AXDND1: variants seen among roughly 807,000 people sequenced by gnomAD.
AXDND1 encodes the protein axonemal dynein light chain domain containing 1, also known as axonemal dynein light chain domain-containing protein 1.
Under a neutral mutation model 137.5 loss-of-function variants are expected in AXDND1, and 110 were observed. That is an observed-to-expected ratio of 0.80 (90% CI 0.69 to 0.94). The LOEUF (loss-of-function observed/expected upper bound fraction) is 0.94. Among genes scored for constraint, AXDND1 ranks in the 40% least tolerant of loss-of-function variants. The pLI is 0.00. For synonymous variants in AXDND1, 414 were observed against 399.7 expected, an observed-to-expected ratio of 1.04 and a Z score of -0.43; for missense variants, 1,191 against 1,169.8, an observed-to-expected ratio of 1.02 and a Z score of -0.26.
At chr1:179,413,241 A>G (rs1654167273) in intron 12 of AXDND1, among the ~76,000 whole-genome samples, 1 of 150,764 alleles carries the variant, frequency 6.6e-6, no homozygotes. Flanking sequence ...TATTTTATTA[A>G]TTAATTTTAA....
chr1:179,506,736 A>G (rs1249608763), intron 20 of AXDND1: 12 of 448,580 alleles, frequency 2.7e-5, no homozygotes, highest in Non-Finnish European at 3.5e-5. Flanking sequence ...TGTCAAAAAA[A>G]CAAAACAAAA....
intron 21 of AXDND1, among the ~76,000 whole-genome samples, chr1:179,520,799 A>AT (rs1382117963): frequency 6.7e-6 from 1 of 149,324 alleles, no homozygotes; most frequent in Non-Finnish European, 1.5e-5. Flanking sequence ...TGAATATTTT[A>AT]TTTTTTGCTA....
chr1:179,471,381 T>C (rs1460712108), intron 17 of AXDND1, among the ~76,000 whole-genome samples: 1 of 152,258 alleles, frequency 6.6e-6, no homozygotes, highest in Non-Finnish European at 1.5e-5. Context: ...ATTCAATCTC[T>C]TCACTTGTTA....
chr1:179,496,240 G>A (rs1164363098), intron 20 of AXDND1, among the ~76,000 whole-genome samples: 1 of 151,894 alleles, frequency 6.6e-6, no homozygotes, highest in Non-Finnish European at 1.5e-5. Context: ...GAGTTAAGAA[G>A]TGTTTCTTAC....
Position 179,393,801 on chromosome 1 carries a change from T to C in AXDND1, c.864-102T>C, listed in dbSNP as rs143972902. On this transcript the variant is annotated intron_variant, in intron 9 of 25. Transcript: ENST00000367618. ...TTGATTCTCAGCTTGGTTTTCTTGGTGTATAGCAGTGCTACTGATTTGTGT... is the reference window on the plus strand; with the variant it reads ...TTGATTCTCAGCTTGGTTTTCTTGGCGTATAGCAGTGCTACTGATTTGTGT... 1.3e-3 allele frequency: 1,154 copies of C among 918,984 alleles called. 16 individuals carry two copies. The African/African-American group carries it at 0.019, about 15-fold the overall frequency. The allele number at this position is 918,984 out of a possible 1,614,324, so 56.9% of individuals were successfully genotyped here. A position where few individuals can be genotyped will look rare whatever the true frequency, so the allele number is the denominator to read the frequency against.
At chr1:179,415,830 G>A (rs973596386) in intron 12 of AXDND1, among the ~76,000 whole-genome samples, 11 of 151,876 alleles carry the variant, frequency 7.2e-5, no homozygotes, top group African/African-American at 2.2e-4. Flanking sequence ...TCAGCCTCCC[G>A]AGTAGCAGGG....
intron 12 of AXDND1, among the ~76,000 whole-genome samples, chr1:179,419,544 A>G (rs1655329370): frequency 6.8e-6 from 1 of 147,994 alleles, no homozygotes; most frequent in African/African-American, 2.5e-5. Context: ...GGGAGGTTGC[A>G]GTGAGCCGAG....
intron 12 of AXDND1, among the ~76,000 whole-genome samples, chr1:179,428,450 T>A (rs925921182): frequency 9.9e-5 from 15 of 152,262 alleles, no homozygotes; most frequent in African/African-American, 3.6e-4. Context: ...ATGTCCACAG[T>A]GTCTAGAACA....
chr1:179,383,599 G>C (rs1648741565), intron 8 of AXDND1, 55 bp downstream of exon 8: 1 of 1,353,666 alleles, frequency 7.4e-7, no homozygotes, highest in East Asian at 2.4e-5. Context: ...TCAGGAGGCA[G>C]ATTGCCTAGG....
Position 179,528,391 on chromosome 1 carries a change from A to C in AXDND1, c.2675A>C (p.His892Pro). 6.2e-7 allele frequency: 1 copy of C among 1,613,926 alleles called. No homozygotes were observed. The highest frequency in any genetic ancestry group is 1.7e-5 in the Admixed American group (1 of 60,012). Residue 892 changes from histidine to proline, a missense_variant, in exon 23 of 26, where the codon CAT becomes CCT. Coordinates refer to ENST00000367618, the MANE Select transcript of AXDND1 (RefSeq NM_144696.6). ...IRFIGEDENV[H>P]SKPLFETDVL... Reference sequence around the variant, plus strand: ...TTCATTGGAGAAGATGAAAATGTTCATTCCAAACCTCTATTTGAAACAGAT... The same window carrying C: ...TTCATTGGAGAAGATGAAAATGTTCCTTCCAAACCTCTATTTGAAACAGAT...
chr1:179,550,943 T>G (rs1400435367), intron 25 of AXDND1: 1 of 575,390 alleles, frequency 1.7e-6, no homozygotes, highest in African/African-American at 1.9e-5. Flanking sequence ...CCAAAGCTGT[T>G]TCCCATAATT....
chr1:179,482,581 A>C (rs1212199845), intron 17 of AXDND1, among the ~76,000 whole-genome samples: 1 of 152,202 alleles, frequency 6.6e-6, no homozygotes, highest in Non-Finnish European at 1.5e-5. Context: ...AGGAAGGAGC[A>C]GTCATGGTTC....
chr1:179,392,030 A>G (rs1035097929), intron 9 of AXDND1, among the ~76,000 whole-genome samples: 1 of 152,134 alleles, frequency 6.6e-6, no homozygotes, highest in Non-Finnish European at 1.5e-5. Flanking sequence ...TGTCTTGGGT[A>G]TATCCTTATA....
chr1:179,437,473 C>T (rs1022457725), intron 15 of AXDND1, among the ~76,000 whole-genome samples: 1 of 152,198 alleles, frequency 6.6e-6, no homozygotes, highest in Admixed American at 6.5e-5. Flanking sequence ...TGTGAGTTTG[C>T]TCACATCCTG....
intron 25 of AXDND1, among the ~76,000 whole-genome samples, chr1:179,541,361 G>A (rs566248720): frequency 6.6e-6 from 1 of 152,172 alleles, no homozygotes; most frequent in African/African-American, 2.4e-5. Context: ...GTCCTAATGA[G>A]ATGAAGCAGG....
chr1:179,441,469 C>T (rs1294975418), intron 15 of AXDND1, among the ~76,000 whole-genome samples: 1 of 152,298 alleles, frequency 6.6e-6, no homozygotes, highest in African/African-American at 2.4e-5. Context: ...GAAAATTTCC[C>T]AAGTTTTTTG....
In AXDND1 at chr1:179,468,588, A is replaced by G. The variant is rs140343012; in HGVS notation, c.1944A>G (p.Ile648Met). The G allele has an allele frequency of 5.0e-6, 8 of 1,612,666 alleles. No homozygotes were observed. Among genetic ancestry groups the G allele is most frequent in the Middle Eastern group, 1.7e-4 (1 of 5,762 alleles). The change falls in exon 17 of 26, where the codon ATA (isoleucine) becomes ATG (methionine). Residue 648 changes from isoleucine to methionine, a missense_variant. Physicochemically the swap from Ile to Met is conservative, Grantham distance 10. Transcript: ENST00000367618. ...KINEMKSHLD[I>M]LLNLTGIVPQ... The stretch of plus-strand genomic sequence containing the variant: ...ATGAAATGAAATCACACTTGGATAT[A>G]TTGTTAAACCTTACTGGTATTGTTC...
At chr1:179,418,356 C>T (rs930814535) in intron 12 of AXDND1, among the ~76,000 whole-genome samples, 18 of 152,304 alleles carry the variant, frequency 1.2e-4, no homozygotes, top group African/African-American at 4.3e-4. Flanking sequence ...TTTCTTAGTA[C>T]GGAACAAAAT....
Position 179,394,502 on chromosome 1 carries a change from A to C in AXDND1, c.1004+459A>C, listed in dbSNP as rs1161979078. ...CTACTGGGGAGGTTGAGGCAGGAGA[A>C]TCACTTGAACCCGGGAGGTGGAGGT... is the stretch of plus-strand genomic sequence containing the variant. On this transcript the variant is annotated intron_variant, in intron 10 of 25. Coordinates refer to ENST00000367618, the MANE Select transcript of AXDND1 (RefSeq NM_144696.6). Among the ~76,000 whole-genome samples the C allele has an allele frequency of 2.6e-5, 4 of 151,978 alleles. No individual in the cohort carries two copies. The East Asian group carries it at 7.7e-4, about 29-fold the overall frequency.
Sources: gnomAD v4.1 joint callset for allele counts (sites outside exome capture counted in the v4.1 genomes callset) on GRCh38, gnomAD v4.1.1 for gene constraint, MANE v1.5 for transcripts, NCBI Gene and HGNC (gene_info 2026-07-23, HGNC 2026-07-21) for gene names.